The following RASA3 variants were observed in gnomAD, a reference collection of about 807,000 sequenced individuals.
RASA3 encodes RAS p21 protein activator 3, also known as ras GTPase-activating protein 3.
A neutral mutation model predicts 110.0 loss-of-function variants in RASA3; 73 were observed. The observed-to-expected ratio is 0.66, with a 90% confidence interval of 0.55 to 0.81. The LOEUF (loss-of-function observed/expected upper bound fraction) is 0.81, where lower values mean the gene tolerates loss of function less well. Ranked by LOEUF, RASA3 falls within the 30% of genes least tolerant of loss-of-function variation. RASA3 has a pLI of 0.00. For missense variants in RASA3, 976 were observed against 1,113.2 expected (o/e 0.88, Z 1.75); for synonymous variants, 500 against 451.4 (o/e 1.11, Z -1.37).
chr13:114,127,151 C>T (rs906186497), intron 1 of RASA3, among the ~76,000 whole-genome samples: 10 of 152,264 alleles, frequency 6.6e-5, no homozygotes, highest in Admixed American at 1.3e-4. Context: ...GCCGCTCATC[C>T]ACTCTGCGCC....
At chr13:114,070,451 G>A (rs939634965) in intron 2 of RASA3, among the ~76,000 whole-genome samples, 6 of 152,128 alleles carry the variant, frequency 3.9e-5, no homozygotes, top group African/African-American at 1.4e-4. Context: ...GATTCCAGCT[G>A]CAAGTTTATG....
At chr13:114,121,645 G>A (rs894704192) in intron 1 of RASA3, among the ~76,000 whole-genome samples, 9 of 152,194 alleles carry the variant, frequency 5.9e-5, no homozygotes, top group East Asian at 3.8e-4. Context: ...GGCACAGCTC[G>A]ACCTTTGACC....
intron 1 of RASA3, among the ~76,000 whole-genome samples, chr13:114,130,836 G>GC (rs2080508601): frequency 6.6e-6 from 1 of 152,054 alleles, no homozygotes; most frequent in Non-Finnish European, 1.5e-5. Context: ...CAGCCCTCCT[G>GC]CCCCCGTGAC....
chr13:114,012,442 C>T (rs2053654686), intron 15 of RASA3, among the ~76,000 whole-genome samples: 1 of 149,778 alleles, frequency 6.7e-6, no homozygotes, highest in Non-Finnish European at 1.5e-5. Context: ...CTTCCACACT[C>T]CCCACTCCCC....
intron 23 of RASA3, among the ~76,000 whole-genome samples, chr13:113,981,095 A>G (rs1232258785): frequency 2.6e-5 from 4 of 152,236 alleles, no homozygotes; most frequent in Admixed American, 1.3e-4. Context: ...GAGCCAGCCT[A>G]GCACTTTACA....
intron 1 of RASA3, among the ~76,000 whole-genome samples, chr13:114,075,466 T>C (rs2139677262): frequency 1.2e-5 from 1 of 85,408 alleles, no homozygotes; most frequent in East Asian, 2.8e-4. Context: ...CCGCGCCGCG[T>C]ATCTCTGCGT....
intron 22 of RASA3, among the ~76,000 whole-genome samples, chr13:113,991,704 T>C (rs1261379397): frequency 6.6e-6 from 1 of 152,218 alleles, no homozygotes; most frequent in African/African-American, 2.4e-5. Context: ...CCTGGCACTG[T>C]TTCAAATATA....
At chr13:114,020,102 G>GC (rs2053891108) in intron 9 of RASA3, among the ~76,000 whole-genome samples, 1 of 47,558 alleles carries the variant, frequency 2.1e-5, no homozygotes, top group South Asian at 8.5e-4. Flanking sequence ...CGAGGCATTA[G>GC]CCCCCCTCAG....
At chr13:114,106,058 G>A (rs1422749929) in intron 1 of RASA3, among the ~76,000 whole-genome samples, 2 of 152,244 alleles carry the variant, frequency 1.3e-5, no homozygotes, top group East Asian at 3.8e-4. Context: ...ATGACCGGGT[G>A]TTGGGATGGG....
At chr13:114,093,127 T>G (rs969407791) in intron 1 of RASA3, among the ~76,000 whole-genome samples, 4 of 152,260 alleles carry the variant, frequency 2.6e-5, no homozygotes, top group African/African-American at 9.6e-5. Context: ...TGTCTTTCAT[T>G]CTTCTTACAA....
At chr13:114,055,050 G>C (rs907872956) in intron 2 of RASA3, among the ~76,000 whole-genome samples, 1 of 152,080 alleles carries the variant, frequency 6.6e-6, no homozygotes, top group African/African-American at 2.4e-5. Flanking sequence ...GCATGCATGT[G>C]CCTGTACGTG....
At chr13:114,128,569 G>A (rs1435806064) in intron 1 of RASA3, among the ~76,000 whole-genome samples, 5 of 152,226 alleles carry the variant, frequency 3.3e-5, no homozygotes, top group African/African-American at 1.2e-4. Context: ...GCTTCAGGTG[G>A]GATTCTGTTT....
At chr13:114,089,257 GGAGGGGAGAC>G (rs779531905) in intron 1 of RASA3, among the ~76,000 whole-genome samples, 287 of 149,384 alleles carry the variant, frequency 1.9e-3, no homozygotes, top group South Asian at 8.0e-3. Context: ...GGAGGAGAGA[GGAGGGGAGAC>G]GAGGGGAGAC....
intron 1 of RASA3, among the ~76,000 whole-genome samples, chr13:114,101,400 G>A (rs543569392): frequency 6.8e-4 from 103 of 152,314 alleles, no homozygotes; most frequent in South Asian, 2.7e-3. Flanking sequence ...ACCTCTACAG[G>A]AAGGACAGAG....
intron 2 of RASA3, among the ~76,000 whole-genome samples, chr13:114,069,461 GGC>G (rs2079517710): frequency 9.3e-6 from 1 of 107,928 alleles, no homozygotes; most frequent in Admixed American, 9.0e-5. Flanking sequence ...AGACTTGGGG[GGC>G]TGGGAGACTC....
At chr13:114,064,110 C>A (rs1027810299) in intron 2 of RASA3, among the ~76,000 whole-genome samples, 3 of 152,196 alleles carry the variant, frequency 2.0e-5, no homozygotes, top group South Asian at 2.1e-4. Flanking sequence ...AAAACCCCCA[C>A]AAATTTGTTA....
chr13:114,058,712 G>C (rs746563164), intron 2 of RASA3, among the ~76,000 whole-genome samples: 1 of 152,210 alleles, frequency 6.6e-6, no homozygotes, highest in African/African-American at 2.4e-5. Flanking sequence ...GGACTATGCC[G>C]ACCCGCAGTC....
intron 16 of RASA3, among the ~76,000 whole-genome samples, chr13:114,010,081 T>C (rs892945171): frequency 5.9e-5 from 9 of 151,664 alleles, no homozygotes; most frequent in Non-Finnish European, 1.0e-4. Flanking sequence ...TGTTATGGAG[T>C]TTCCAGCCCA....
At position 114,120,029 on chromosome 13, in the gene RASA3, C is replaced by T. The variant is rs1349456707; in HGVS notation, c.55+12406G>A. 4.8e-4 allele frequency among the ~76,000 whole-genome samples: 42 copies of T among 88,386 alleles called. 2 individuals are homozygous for T. The South Asian group carries it at 6.2e-3, about 13-fold the overall frequency. The allele number at this position is 88,386 out of a possible 152,430, so 58.0% of individuals were successfully genotyped here. On this transcript the variant is annotated intron_variant, in intron 1 of 23. Coordinates refer to ENST00000334062, the MANE Select transcript of RASA3 (RefSeq NM_007368.4). Reference sequence around the variant, plus strand: ...GCCCCCCCTCCTCTCTCCAGCCAGACGTCGGTCAGGGCCCCTCCCTCTCTC... The same window carrying T: ...GCCCCCCCTCCTCTCTCCAGCCAGATGTCGGTCAGGGCCCCTCCCTCTCTC...
Sources: allele counts gnomAD v4.1 joint callset (sites outside exome capture counted in the v4.1 genomes callset), GRCh38; gene constraint gnomAD v4.1.1; transcripts MANE v1.5; gene names NCBI Gene and HGNC (gene_info 2026-07-23, HGNC 2026-07-21).